MYH16: variants seen among roughly 807,000 people sequenced by gnomAD.
MYH16 encodes the protein myosin heavy chain 16.
intron 15 of MYH16, among the ~76,000 whole-genome samples, chr7:99,264,870 C>T (rs1022305530): frequency 3.3e-5 from 5 of 152,200 alleles, no homozygotes; most frequent in South Asian, 2.1e-4. Flanking sequence ...TTGCAAACCA[C>T]GGCCCCTTGA....
At chr7:99,261,569 A>G in exon 13 of MYH16, 1 of 155,002 alleles carries the variant, frequency 6.5e-6, no homozygotes. Flanking sequence ...AACTTCCTGA[A>G]GCCCAAGGGG....
chr7:99,273,122 A>G (rs1792068347), intron 19 of MYH16, among the ~76,000 whole-genome samples, 45 bp downstream of exon 1: 1 of 152,208 alleles, frequency 6.6e-6, no homozygotes, highest in Non-Finnish European at 1.5e-5. Context: ...TGGTTCCATC[A>G]GGTTTCACCT....
downstream of MYH16, among the ~76,000 whole-genome samples, chr7:99,308,189 G>C (rs1792707451): frequency 6.6e-6 from 1 of 151,450 alleles, no homozygotes; most frequent in Non-Finnish European, 1.5e-5. Context: ...CAGCTGCTCG[G>C]GAGGCTGAGG....
chr7:99,300,962 A>C (rs746502004), intron 37 of MYH16, among the ~76,000 whole-genome samples: 2 of 152,092 alleles, frequency 1.3e-5, no homozygotes, highest in African/African-American at 2.4e-5. Flanking sequence ...TGGGAGGCCG[A>C]GGTGGGCAAA....
intron 13 of MYH16, among the ~76,000 whole-genome samples, chr7:99,262,751 T>C (rs1191878998): frequency 6.6e-6 from 1 of 152,160 alleles, no homozygotes; most frequent in East Asian, 1.9e-4. Context: ...TACCTGGATA[T>C]ATGGAGCCCC....
intron 17 of MYH16, among the ~76,000 whole-genome samples, chr7:99,266,057 G>A (rs1791984016): frequency 6.6e-6 from 1 of 152,172 alleles, no homozygotes. Context: ...GGCTAAATCT[G>A]AGACATTTTC....
chr7:99,294,145 G>A, exon 33 of MYH16: 2 of 455,278 alleles, frequency 4.4e-6, no homozygotes, highest in South Asian at 3.1e-5. Context: ...CATCGACTTG[G>A]AGAAGGTCAG....
At chr7:99,252,556 TGCAGAATTCCAAAGGGTA>T (rs2150808158) in intron 6 of MYH16, 1 of 152,386 alleles carries the variant, frequency 6.6e-6, no homozygotes, top group East Asian at 1.9e-4. Context: ...CTGGTCTCTA[TGCAGAATTCCAAAGGGTA>T]GCAGCCCTCC....
At chr7:99,288,222 T>C (rs1398033304) in intron 29 of MYH16, 85 bp downstream of exon 10, 3 of 424,794 alleles carry the variant, frequency 7.1e-6, no homozygotes, top group African/African-American at 2.1e-5. Flanking sequence ...AGGATTGCTT[T>C]TGAGAGGCCA....
intron 18 of MYH16, chr7:99,270,940 G>A (rs1371546775): frequency 6.6e-6 from 1 of 152,574 alleles, no homozygotes; most frequent in Non-Finnish European, 1.5e-5. Context: ...TTTCAAAGGC[G>A]TGCGGTCTTT....
intron 26 of MYH16, 93 bp from the exon 9 acceptor site, chr7:99,285,289 C>G: frequency 2.3e-6 from 1 of 442,964 alleles, no homozygotes; most frequent in South Asian, 1.6e-5. Context: ...CTGTCATATT[C>G]TCACATCCCT....
intron 27 of MYH16, 105 bp downstream of exon 9, chr7:99,285,543 G>C: frequency 2.3e-6 from 1 of 425,536 alleles, no homozygotes; most frequent in South Asian, 1.7e-5. Flanking sequence ...GAGAAGGCAG[G>C]TGTCCAGCTA....
Position 99,239,539 on chromosome 7 carries a change from G to A in MYH16, n.210+501G>A, listed in dbSNP as rs191666834. Among the ~76,000 whole-genome samples, 690 of 152,224 alleles carry A rather than the reference G, an allele frequency of 4.5e-3. 1 individual carries two copies. The highest frequency in any genetic ancestry group is 7.1e-3 in the Non-Finnish European group (484 of 67,998). ...GTCTCTTGGAGCATGGGGGTGGTGT[G>A]CTGGATGTGATGGCTTCCGATGGCT... On this transcript the variant is annotated intron_variant and non_coding_transcript_variant, in intron 1 of 41. Coordinates refer to ENST00000439784, the Ensembl canonical transcript of MYH16.
chr7:99,251,626 T>C (rs1001370191), intron 6 of MYH16, among the ~76,000 whole-genome samples: 1 of 152,202 alleles, frequency 6.6e-6, no homozygotes, highest in Non-Finnish European at 1.5e-5. Flanking sequence ...TTTTCTTTGA[T>C]GTACCCAAGT....
chr7:99,273,789 A>G (rs1333223321), intron 20 of MYH16, among the ~76,000 whole-genome samples: 1 of 151,130 alleles, frequency 6.6e-6, no homozygotes, highest in African/African-American at 2.4e-5. Context: ...GGGAGAGAGG[A>G]AAGGAAGGGA....
chr7:99,288,437 C>CTAAAA (rs756501916), intron 29 of MYH16, among the ~76,000 whole-genome samples: 162 of 150,974 alleles, frequency 1.1e-3, no homozygotes, highest in African/African-American at 2.2e-3. Flanking sequence ...GACCCTGTCT[C>CTAAAA]TAAAATAAAA....
At chr7:99,277,446 A>G in intron 20 of MYH16, 93 bp from the exon 3 acceptor site, 1 of 372,216 alleles carries the variant, frequency 2.7e-6, no homozygotes, top group Non-Finnish European at 5.4e-6. Context: ...TGGTGCTGTG[A>G]GGTCACGCCT....
chr7:99,282,876 T>G (rs1289397017), intron 23 of MYH16, among the ~76,000 whole-genome samples: 1 of 151,170 alleles, frequency 6.6e-6, no homozygotes, highest in African/African-American at 2.4e-5. Context: ...GAACATTGAG[T>G]TACATGTAAA....
At chr7:99,281,174 C>T (rs1372934558) in intron 23 of MYH16, among the ~76,000 whole-genome samples, 194 bp downstream of exon 5, 1 of 152,166 alleles carries the variant, frequency 6.6e-6, no homozygotes, top group Non-Finnish European at 1.5e-5. Flanking sequence ...CCCTTGCTGC[C>T]TTCCTTCCAA....
Sources: allele counts gnomAD v4.1 joint callset (sites outside exome capture counted in the v4.1 genomes callset), GRCh38; gene constraint gnomAD v4.1.1; transcripts MANE v1.5; gene names NCBI Gene and HGNC (gene_info 2026-07-23, HGNC 2026-07-21).